Variants in IQCJ observed in about 807,000 individuals in gnomAD.
IQCJ encodes IQ motif containing J, also known as IQ domain-containing protein J.
A neutral mutation model predicts 11.0 loss-of-function variants in IQCJ; 9 were observed. The ratio of observed to expected loss-of-function variants is 0.82; its 90% CI spans 0.49 to 1.43. IQCJ has a LOEUF of 1.43. Ranked by LOEUF, IQCJ falls within the 40% of genes most tolerant of loss-of-function variation. The pLI is 0.00. For synonymous variants in IQCJ, 55 were observed against 51.3 expected (o/e 1.07, Z -0.31); for missense variants, 146 against 133.2 (o/e 1.10, Z -0.47).
intron 2 of IQCJ, among the ~76,000 whole-genome samples, chr3:159,246,167 C>T (rs1171984630): frequency 6.6e-6 from 1 of 152,120 alleles, no homozygotes; most frequent in Non-Finnish European, 1.5e-5. Context: ...GGGCTTGAAA[C>T]TTAACTCTGA....
intron 1 of IQCJ, among the ~76,000 whole-genome samples, chr3:159,199,555 A>C (rs1724192134): frequency 6.6e-6 from 1 of 152,220 alleles, no homozygotes; most frequent in Non-Finnish European, 1.5e-5. Context: ...GCAGTTTATT[A>C]CAGCAGCAAT....
intron 1 of IQCJ, among the ~76,000 whole-genome samples, chr3:159,079,131 C>A (rs73025588): frequency 6.6e-6 from 1 of 152,074 alleles, no homozygotes; most frequent in East Asian, 1.9e-4. Context: ...CCTGGAAACA[C>A]AAAGAACCAA....
rs112153859 is a variant in IQCJ, at chr3:159,195,110, C to CAA, written c.10-50721_10-50720dup. On this transcript the variant is annotated intron_variant, in intron 1 of 3. Transcript: ENST00000397832. ...TGGGTGACAGAGCAAGACTCTGTCT[C>CAA]AAAAAAAAAAAAATCTGTATCACTG... Among the ~76,000 whole-genome samples, 770 of 146,958 alleles carry CAA rather than the reference C, an allele frequency of 5.2e-3. 2 individuals are homozygous for CAA. Among genetic ancestry groups the CAA allele is most frequent in the Non-Finnish European group, 7.4e-3 (494 of 66,412 alleles).
intron 1 of IQCJ, among the ~76,000 whole-genome samples, chr3:159,197,971 T>C (rs13075120): frequency 0.14 from 21,081 of 152,202 alleles, 1,669 homozygotes; most frequent in Middle Eastern, 0.2. Flanking sequence ...TGATGTGTTC[T>C]GTGGCCTCTA....
chr3:159,140,114 T>C (rs759987853), intron 1 of IQCJ, among the ~76,000 whole-genome samples: 1 of 152,120 alleles, frequency 6.6e-6, no homozygotes, highest in Non-Finnish European at 1.5e-5. Context: ...CACACCTGAG[T>C]GGTACATTTG....
intron 2 of IQCJ, among the ~76,000 whole-genome samples, chr3:159,248,042 GA>G (rs1193328066): frequency 2.0e-5 from 3 of 152,138 alleles, no homozygotes; most frequent in Non-Finnish European, 4.4e-5. Context: ...CTGGAAAATT[GA>G]AAACTTTGGG....
In IQCJ at chr3:159,262,600, A is replaced by G. The variant is rs1452023612; in HGVS notation, c.208A>G (p.Arg70Gly). The G allele has an allele frequency of 6.2e-7, 1 of 1,613,930 alleles. No individual in the cohort carries two copies. The highest frequency in any genetic ancestry group is 1.1e-5 in the South Asian group (1 of 91,078). ...GCAGCGGCAGGAGCCCCTGGGGAAG[A>G]GGAGCCCGTCCCCACCCTCTGTCTC... is the stretch of plus-strand genomic sequence containing the variant. ...YLQRQEPLGK[R>G]SPSPPSVSSE... The change falls in exon 4 of 4, where the codon AGG becomes GGG. Residue 70 changes from arginine to glycine, a missense_variant. Arg to Gly is a moderately radical substitution (Grantham distance 125). Coordinates refer to ENST00000397832, the MANE Select transcript of IQCJ (RefSeq NM_001042706.3).
At chr3:159,214,753 C>T (rs1725134867) in intron 1 of IQCJ, among the ~76,000 whole-genome samples, 1 of 152,204 alleles carries the variant, frequency 6.6e-6, no homozygotes, top group South Asian at 2.1e-4. Context: ...CTGTGAGCTA[C>T]AGGATTTCAG....
chr3:159,130,003 A>G lies in IQCJ; in HGVS notation c.9+60562A>G, dbSNP rs907880041. On this transcript the variant is annotated intron_variant, in intron 1 of 3. Transcript: ENST00000397832. ...TTTATCACAAGTGTAGATTGGTGTGAGCAACACCACAGTCAAGGGAAAGAA... is the reference window on the plus strand; with the variant it reads ...TTTATCACAAGTGTAGATTGGTGTGGGCAACACCACAGTCAAGGGAAAGAA... Among the ~76,000 whole-genome samples the G allele has an allele frequency of 8.0e-5, 12 of 149,318 alleles. No individual in the cohort carries two copies. The East Asian group carries it at 2.4e-3, about 30-fold the overall frequency.
intron 1 of IQCJ, among the ~76,000 whole-genome samples, chr3:159,123,481 C>T (rs1719497724): frequency 6.6e-6 from 1 of 152,102 alleles, no homozygotes; most frequent in Non-Finnish European, 1.5e-5. Context: ...CAAGGGACAG[C>T]TGTTTTTCCT....
At chr3:159,243,077 T>C (rs1229063064) in intron 1 of IQCJ, among the ~76,000 whole-genome samples, 1 of 152,108 alleles carries the variant, frequency 6.6e-6, no homozygotes, top group Non-Finnish European at 1.5e-5. Flanking sequence ...ATAACTAAAG[T>C]GAAAAAGACT....
intron 1 of IQCJ, among the ~76,000 whole-genome samples, chr3:159,080,280 C>T (rs1716221253): frequency 6.6e-6 from 1 of 151,968 alleles, no homozygotes; most frequent in South Asian, 2.1e-4. Context: ...AGCACACTTC[C>T]CTGGAACCCA....
intron 1 of IQCJ, among the ~76,000 whole-genome samples, chr3:159,147,317 G>A (rs1035349381): frequency 2.6e-5 from 4 of 152,186 alleles, no homozygotes; most frequent in Non-Finnish European, 4.4e-5. Context: ...TCAGCAGGTC[G>A]TAAGAAATGT....
chr3:159,077,949 A>G (rs1187653322), intron 1 of IQCJ, among the ~76,000 whole-genome samples: 1 of 152,090 alleles, frequency 6.6e-6, no homozygotes, highest in Non-Finnish European at 1.5e-5. Flanking sequence ...TGAGCCAACT[A>G]TCATCTTTAG....
chr3:159,260,658 C>T (rs1403000879), intron 3 of IQCJ, among the ~76,000 whole-genome samples: 1 of 152,154 alleles, frequency 6.6e-6, no homozygotes, highest in East Asian at 1.9e-4. Flanking sequence ...CTCCCTTTCC[C>T]ATTCTGCTTA....
chr3:159,091,245 A>G (rs1717257769), intron 1 of IQCJ, among the ~76,000 whole-genome samples: 1 of 151,822 alleles, frequency 6.6e-6, no homozygotes, highest in African/African-American at 2.4e-5. Context: ...AGTTAACAGC[A>G]AATAACATAG....
chr3:159,108,064 G>A (rs1292400757), intron 1 of IQCJ, among the ~76,000 whole-genome samples: 16 of 131,594 alleles, frequency 1.2e-4, no homozygotes, highest in African/African-American at 4.5e-4. Flanking sequence ...GGCATGAAAA[G>A]AACTTTAATA....
At chr3:159,166,834 C>T (rs560980227) in intron 1 of IQCJ, among the ~76,000 whole-genome samples, 58 of 152,244 alleles carry the variant, frequency 3.8e-4, no homozygotes, top group South Asian at 1.9e-3. Context: ...TTTTAGTATT[C>T]GAGGTGTGCT....
chr3:159,105,197 A>G (rs1368333892), intron 1 of IQCJ, among the ~76,000 whole-genome samples: 1 of 152,196 alleles, frequency 6.6e-6, no homozygotes, highest in African/African-American at 2.4e-5. Context: ...TCACATATAT[A>G]TAAGTTATGG....
Sources: gnomAD v4.1 joint callset for allele counts (sites outside exome capture counted in the v4.1 genomes callset) on GRCh38, gnomAD v4.1.1 for gene constraint, MANE v1.5 for transcripts, NCBI Gene and HGNC (gene_info 2026-07-23, HGNC 2026-07-21) for gene names.